Variants in OTOGL observed in about 807,000 individuals in gnomAD.
The protein encoded by OTOGL is otogelin-like protein.
OTOGL carries 285 observed loss-of-function variants against 318.5 expected under a neutral mutation model. That is an observed-to-expected ratio of 0.89 (90% CI 0.81 to 0.99). The LOEUF (loss-of-function observed/expected upper bound fraction) is 0.99, where lower values mean the gene tolerates loss of function less well. Among genes scored for constraint, OTOGL ranks in the 50% least tolerant of loss-of-function variants. The pLI is 0.00. For synonymous variants in OTOGL, 987 were observed against 936.5 expected (o/e 1.05, Z -0.99); for missense variants, 2,899 against 2,845.6 (o/e 1.02, Z -0.43).
At chr12:80,250,058 A>G (rs1565928929) in intron 11 of OTOGL, among the ~76,000 whole-genome samples, 2 of 151,620 alleles carry the variant, frequency 1.3e-5, no homozygotes, top group Non-Finnish European at 2.9e-5. Flanking sequence ...ACCTGCGCCC[A>G]CTGTCTGGCA....
chr12:80,238,830 G>A, intron 9 of OTOGL, 21 bp from the exon 10 acceptor site: 1 of 1,518,476 alleles, frequency 6.6e-7, no homozygotes, highest in Non-Finnish European at 8.8e-7. Context: ...GTGTGTGTGT[G>A]TGTGTGCCTG....
At chr12:80,354,878 TTTTAC>T (rs1207725711) in intron 46 of OTOGL, among the ~76,000 whole-genome samples, 1 of 152,176 alleles carries the variant, frequency 6.6e-6, no homozygotes, top group African/African-American at 2.4e-5. Flanking sequence ...AAAATAAAAC[TTTTAC>T]TTAAAAGTAA....
Position 80,313,544 on chromosome 12 carries a change from T to C in OTOGL, c.3519T>C (p.Cys1173=), listed in dbSNP as rs1386270703. ...GTAACTGCAATCTTGGTGGCGACTGTGAGTGTTTGTGCACTAGTATAGCTG... is the reference window on the plus strand; with the variant it reads ...GTAACTGCAATCTTGGTGGCGACTGCGAGTGTTTGTGCACTAGTATAGCTG... ...DTCNCNLGGD[C]ECLCTSIAAY... is the part of the protein sequence containing the mutation. The change falls in exon 31 of 59, where the codon TGT becomes TGC. Residue 1173 remains cysteine (C), a synonymous_variant. Coordinates refer to ENST00000547103, the MANE Select transcript of OTOGL (RefSeq NM_001378609.3). The C allele has an allele frequency of 6.2e-7, 1 of 1,612,554 alleles. No individual in the cohort carries two copies. Among genetic ancestry groups the C allele is most frequent in the East Asian group, 2.2e-5 (1 of 44,810 alleles).
At chr12:80,303,006 A>G (rs2137739277) in intron 28 of OTOGL, among the ~76,000 whole-genome samples, 1 of 152,326 alleles carries the variant, frequency 6.6e-6, no homozygotes, top group East Asian at 1.9e-4. Context: ...TTCCAAGATT[A>G]CTTAAGCCAG....
intron 9 of OTOGL, among the ~76,000 whole-genome samples, chr12:80,238,216 G>A (rs1314690918): frequency 6.6e-5 from 10 of 152,066 alleles, no homozygotes; most frequent in Non-Finnish European, 1.3e-4. Context: ...ATTAGCTTTA[G>A]GGTTCTCAGT....
In OTOGL at chr12:80,217,654, CA is replaced by C; in HGVS notation, c.229del (p.Ile77Ter). 6.5e-7 allele frequency: 1 copy of C among 1,543,130 alleles called. No individual in the cohort carries two copies. ...FHDAINWGES[K>X]IKGSCPYECL... ...ATGATGCTATTAATTGGGGTGAGAGCAAAATAAAAGGTCAGTGTTTATACTT... is the reference window on the plus strand; with the variant it reads ...ATGATGCTATTAATTGGGGTGAGAGCAAATAAAAGGTCAGTGTTTATACTT... On this transcript the variant is annotated frameshift_variant, in exon 5 of 59. Transcript: ENST00000547103. LOFTEE classifies it high-confidence loss of function.
At chr12:80,283,908 G>A (rs1383221831) in intron 26 of OTOGL, among the ~76,000 whole-genome samples, 2 of 151,956 alleles carry the variant, frequency 1.3e-5, no homozygotes, top group East Asian at 3.9e-4. Flanking sequence ...TGTGCAGAAC[G>A]TGCAGGTTTG....
At chr12:80,206,356 G>C (rs1175770080) in intron 1 of OTOGL, among the ~76,000 whole-genome samples, 1 of 152,072 alleles carries the variant, frequency 6.6e-6, no homozygotes, top group Non-Finnish European at 1.5e-5. Flanking sequence ...TGGGATTTTT[G>C]TTATTGTTCT....
chr12:80,308,443 T>A (rs1295248474), intron 29 of OTOGL, among the ~76,000 whole-genome samples: 1 of 149,600 alleles, frequency 6.7e-6, no homozygotes, highest in Non-Finnish European at 1.5e-5. Flanking sequence ...ACTTCCCAGA[T>A]GTGATGGCGG....
chr12:80,251,809 T>C lies in OTOGL; in HGVS notation c.1159+10T>C. 6.4e-7 allele frequency: 1 copy of C among 1,555,560 alleles called. No individual in the cohort carries two copies. The highest frequency in any genetic ancestry group is 8.7e-7 in the Non-Finnish European group (1 of 1,147,346). ...GACTTTCCAGCATGCAGTATGTTTT[T>C]TTATTTTCCAAGCCCTGTGTACTTT... On this transcript the variant is annotated intron_variant, in intron 12 of 58. Transcript: ENST00000547103.
At chr12:80,270,262 G>A (rs1023521135) in intron 23 of OTOGL, 108 bp downstream of exon 23, 46 of 869,152 alleles carry the variant, frequency 5.3e-5, no homozygotes, top group Non-Finnish European at 7.8e-5. Context: ...CATGGCTATA[G>A]CCTTGGGAAT....
rs150720196 is a variant in OTOGL at position 80,287,367 on chromosome 12, T to C, written c.2928+8201T>C. ...GTGATGTGGTGCTAAGAAGAATGTA[T>C]ATTCTGTTGATTTGGGGTGGAGAGT... On this transcript the variant is annotated intron_variant, in intron 26 of 58. Coordinates refer to ENST00000547103, the MANE Select transcript of OTOGL (RefSeq NM_001378609.3). Among the ~76,000 whole-genome samples, 171 of 151,864 alleles carry C rather than the reference T, an allele frequency of 1.1e-3. 10 individuals carry two copies. Among genetic ancestry groups the C allele is most frequent in the African/African-American group, 3.9e-3 (161 of 41,120 alleles).
intron 1 of OTOGL, among the ~76,000 whole-genome samples, chr12:80,188,550 AT>A (rs1192688040): frequency 6.7e-6 from 1 of 149,502 alleles, no homozygotes; most frequent in Non-Finnish European, 1.5e-5. Context: ...AAAAAAAATA[AT>A]AATAATAATA....
intron 8 of OTOGL, among the ~76,000 whole-genome samples, chr12:80,231,485 T>G (rs1227964894): frequency 6.6e-6 from 1 of 152,180 alleles, no homozygotes; most frequent in African/African-American, 2.4e-5. Flanking sequence ...TTTTGTAGTT[T>G]TTGGTCCATT....
chr12:80,337,340 G>C, intron 42 of OTOGL, among the ~76,000 whole-genome samples: 1 of 151,920 alleles, frequency 6.6e-6, no homozygotes, highest in Non-Finnish European at 1.5e-5. Flanking sequence ...ATGAAGGAGA[G>C]GGATGATGAT....
Position 80,329,046 on chromosome 12 carries a change from T to C in OTOGL, c.4280-5T>C, listed in dbSNP as rs200889330. On this transcript the variant is annotated splice_polypyrimidine_tract_variant and splice_region_variant and intron_variant, in intron 36 of 58. Coordinates refer to ENST00000547103, the MANE Select transcript of OTOGL (RefSeq NM_001378609.3). ...TTTATAAAGAGCACCTTTGTTTCTT[T>C]GTAGGTATACCTGTGATTCCCACAG... 9.0e-4 allele frequency: 1,424 copies of C among 1,588,454 alleles called. 2 individuals are homozygous for C. The highest frequency in any genetic ancestry group is 1.0e-3 in the Non-Finnish European group (1,178 of 1,170,654).
chr12:80,251,828 G>A, intron 12 of OTOGL, 29 bp downstream of exon 12: 1 of 1,534,212 alleles, frequency 6.5e-7, no homozygotes, highest in Non-Finnish European at 8.8e-7. Context: ...CAAGCCCTGT[G>A]TACTTTTGCC....
At position 80,266,602 on chromosome 12, in the gene OTOGL, C is replaced by T; in HGVS notation, c.2376C>T (p.Asn792=). The change falls in exon 21 of 59, where the codon AAC becomes AAT. Residue 792 remains asparagine, a synonymous_variant. Transcript: ENST00000547103. ...GCAAATTCTATGAAGACACTCTTAACTTTTGTGTACCCATGTAAGTCGTAG... is the reference window on the plus strand; with the variant it reads ...GCAAATTCTATGAAGACACTCTTAATTTTTGTGTACCCATGTAAGTCGTAG... The part of the protein sequence containing the change: ...PEGKFYEDTL[N]FCVPIFHCRC... The T allele has an allele frequency of 1.2e-6, 2 of 1,613,232 alleles. No homozygotes were observed. Among genetic ancestry groups the T allele is most frequent in the Middle Eastern group, 1.7e-4 (1 of 6,046 alleles).
chr12:80,341,913 GT>G (rs775970853), intron 43 of OTOGL, 34 bp from the exon 44 acceptor site: 4 of 1,454,606 alleles, frequency 2.7e-6, no homozygotes, highest in South Asian at 1.2e-5. Flanking sequence ...ATTAGTTTAA[GT>G]TTTTTTCTTC....
Sources: allele counts gnomAD v4.1 joint callset (sites outside exome capture counted in the v4.1 genomes callset), GRCh38; gene constraint gnomAD v4.1.1; transcripts MANE v1.5; gene names NCBI Gene and HGNC (gene_info 2026-07-23, HGNC 2026-07-21).